The following CRISP2 variants were observed in gnomAD, a reference collection of about 807,000 sequenced individuals.
CRISP2 encodes cysteine-rich secretory protein 2.
A neutral mutation model predicts 31.7 loss-of-function variants in CRISP2; 29 were observed. That is an observed-to-expected ratio of 0.92 (90% CI 0.68 to 1.25). The LOEUF is 1.25. Among genes scored for constraint, CRISP2 ranks in the 50% most tolerant of loss-of-function variants. The pLI, the probability that CRISP2 is intolerant of heterozygous loss-of-function variation, is 0.00. For missense variants in CRISP2, 318 were observed against 286.5 expected (o/e 1.11, Z -0.79); for synonymous variants, 111 against 101.4 (o/e 1.09, Z -0.57).
intron 4 of CRISP2, among the ~76,000 whole-genome samples, chr6:49,701,506 A>G (rs1339957043): frequency 6.8e-5 from 8 of 117,068 alleles, no homozygotes; most frequent in Non-Finnish European, 1.0e-4. Flanking sequence ...GTGTGTATAT[A>G]TATATATATA....
intron 9 of CRISP2, among the ~76,000 whole-genome samples, chr6:49,693,512 T>G (rs1204133512): frequency 1.3e-5 from 2 of 152,148 alleles, no homozygotes; most frequent in Non-Finnish European, 2.9e-5. Context: ...TTTTGATGTT[T>G]CTACTTGGAT....
At chr6:49,704,691 T>C (rs1766708491) in intron 4 of CRISP2, among the ~76,000 whole-genome samples, 1 of 152,156 alleles carries the variant, frequency 6.6e-6, no homozygotes, top group Non-Finnish European at 1.5e-5. Context: ...AGTCCTGTGA[T>C]GTGATCCATC....
the CRISP2 span, among the ~76,000 whole-genome samples, chr6:49,680,580 T>A: frequency 6.6e-6 from 1 of 152,220 alleles, no homozygotes; most frequent in Non-Finnish European, 1.5e-5. Context: ...ATTGCCACAC[T>A]GTCATCTACA....
At chr6:49,707,454 T>C (rs79389573) in intron 4 of CRISP2, among the ~76,000 whole-genome samples, 1,770 of 152,202 alleles carry the variant, frequency 0.012, 37 homozygotes, top group African/African-American at 0.041. Flanking sequence ...TTCAAACATT[T>C]AGTGGTGCCA....
At chr6:49,696,601 A>G (rs168624) in intron 8 of CRISP2, among the ~76,000 whole-genome samples, 20,359 of 149,374 alleles carry the variant, frequency 0.14, 1,559 homozygotes, top group African/African-American at 0.2. Flanking sequence ...AAAAAAAAAA[A>G]GAAAAAAAGA....
At position 49,695,831 on chromosome 6, in the gene CRISP2, C is replaced by T; in HGVS notation, c.604+5G>A. 6.3e-7 allele frequency: 1 copy of T among 1,595,462 alleles called. No individual in the cohort carries two copies. The highest frequency in any genetic ancestry group is 8.6e-7 in the Non-Finnish European group (1 of 1,166,150). On this transcript the variant is annotated splice_donor_5th_base_variant and intron_variant, in intron 9 of 9. Coordinates refer to ENST00000339139, the MANE Select transcript of CRISP2 (RefSeq NM_003296.4). Reference sequence around the variant, plus strand: ...ATAATAGCAAGCTAATCACTTCAAACTTACTGCATAGTCCTTTGTCACAGT... The same window carrying T: ...ATAATAGCAAGCTAATCACTTCAAATTTACTGCATAGTCCTTTGTCACAGT...
Position 49,698,467 on chromosome 6 carries a change from AG to A in CRISP2, c.311del (p.Pro104LeufsTer16), listed in dbSNP as rs1765139365. ...TTTGGATTGCAGAAGACCAGGAAGTAGGGTCACTTGACATATAGAGATTCTC... is the reference window on the plus strand; with the variant it reads ...TTTGGATTGCAGAAGACCAGGAAGTAGGTCACTTGACATATAGAGATTCTC... ...CGENLYMSSD[P>X]TSWSSAIQSW... On this transcript the variant is annotated frameshift_variant, in exon 7 of 10. Coordinates refer to ENST00000339139, the MANE Select transcript of CRISP2 (RefSeq NM_003296.4). LOFTEE classifies it high-confidence loss of function. The A allele has an allele frequency of 6.2e-7, 1 of 1,613,048 alleles. No individual in the cohort carries two copies. Among genetic ancestry groups the A allele is most frequent in the Non-Finnish European group, 8.5e-7 (1 of 1,179,536 alleles).
the CRISP2 span, among the ~76,000 whole-genome samples, chr6:49,682,196 A>T: frequency 1.3e-5 from 2 of 152,148 alleles, no homozygotes; most frequent in Non-Finnish European, 2.9e-5. Flanking sequence ...AACTTTTTTA[A>T]ATTCTGGGAT....
intron 8 of CRISP2, among the ~76,000 whole-genome samples, chr6:49,696,161 AAGAGT>A (rs1448198485): frequency 1.3e-5 from 2 of 152,164 alleles, no homozygotes; most frequent in African/African-American, 2.4e-5. Flanking sequence ...ATTTGATGAC[AAGAGT>A]CTGAAATTTT....
chr6:49,680,473 G>A, the CRISP2 span, among the ~76,000 whole-genome samples: 6 of 152,256 alleles, frequency 3.9e-5, no homozygotes, highest in Non-Finnish European at 5.9e-5. Context: ...ATATGTGCAC[G>A]TGTCTTTATG....
chr6:49,683,723 A>ATATATATATATATATATG, the CRISP2 span, among the ~76,000 whole-genome samples: 1 of 119,052 alleles, frequency 8.4e-6, no homozygotes, highest in Admixed American at 8.9e-5. Context: ...ATATATATAT[A>ATATATATATATATATATG]GAAGTTGATA....
chr6:49,704,922 T>C (rs944270296), intron 4 of CRISP2, among the ~76,000 whole-genome samples: 1 of 152,138 alleles, frequency 6.6e-6, no homozygotes, highest in African/African-American at 2.4e-5. Flanking sequence ...TGTCTTTCCT[T>C]GGAGTAGAGT....
intron 4 of CRISP2, among the ~76,000 whole-genome samples, chr6:49,704,218 T>C (rs897141131): frequency 6.6e-6 from 1 of 152,110 alleles, no homozygotes; most frequent in African/African-American, 2.4e-5. Flanking sequence ...GTTTTTTTAT[T>C]TGTGATATTT....
intron 9 of CRISP2, among the ~76,000 whole-genome samples, chr6:49,693,813 C>T (rs1764295338): frequency 6.6e-6 from 1 of 152,010 alleles, no homozygotes; most frequent in Non-Finnish European, 1.5e-5. Flanking sequence ...CTTCAAATTT[C>T]TCTGATAAAT....
downstream of CRISP2, among the ~76,000 whole-genome samples, chr6:49,691,089 C>A (rs1359450004): frequency 6.6e-6 from 1 of 151,880 alleles, no homozygotes; most frequent in Non-Finnish European, 1.5e-5. Context: ...CAGATCAGAT[C>A]TTCCACCCAC....
chr6:49,710,440 A>C (rs1767812764), intron 3 of CRISP2, among the ~76,000 whole-genome samples: 1 of 152,220 alleles, frequency 6.6e-6, no homozygotes, highest in African/African-American at 2.4e-5. Context: ...TTTGAAAGAG[A>C]CATTGACTCA....
chr6:49,713,733 T>A (rs1040650666), upstream of CRISP2: 5 of 152,248 alleles, frequency 3.3e-5, no homozygotes, highest in African/African-American at 1.2e-4. Context: ...TTTTTCTCAT[T>A]ACCACCAGTT....
chr6:49,697,148 C>CA (rs1212949398), intron 8 of CRISP2, among the ~76,000 whole-genome samples: 1 of 152,124 alleles, frequency 6.6e-6, no homozygotes, highest in Admixed American at 6.6e-5. Flanking sequence ...GAATTTCAAA[C>CA]ACTAAATTTG....
intron 3 of CRISP2, among the ~76,000 whole-genome samples, chr6:49,710,334 GAGGCTTA>G (rs1767800026): frequency 6.6e-6 from 1 of 152,102 alleles, no homozygotes; most frequent in Non-Finnish European, 1.5e-5. Flanking sequence ...TGATGTAATT[GAGGCTTA>G]AGACAGTTAA....
Sources: allele counts gnomAD v4.1 joint callset (sites outside exome capture counted in the v4.1 genomes callset), GRCh38; gene constraint gnomAD v4.1.1; transcripts MANE v1.5; gene names NCBI Gene and HGNC (gene_info 2026-07-23, HGNC 2026-07-21).